RAD50: variants seen among roughly 807,000 people sequenced by gnomAD.
RAD50 encodes the protein RAD50 double strand break repair protein, also known as DNA repair protein RAD50.
A neutral mutation model predicts 168.8 loss-of-function variants in RAD50; 132 were observed. That is an observed-to-expected ratio of 0.78 (90% CI 0.68 to 0.90). RAD50 has a LOEUF of 0.90. Among genes scored for constraint, RAD50 ranks in the 40% least tolerant of loss-of-function variants. The probability of loss-of-function intolerance (pLI) is 0.00; values close to 1 mark genes in which losing one functional copy is unlikely to be tolerated. For synonymous variants in RAD50, 525 were observed against 497.4 expected (o/e 1.06, Z -0.74); for missense variants, 1,347 against 1,534.4 (o/e 0.88, Z 2.04).
chr5:132,633,630 C>G (rs1312890239), intron 21 of RAD50, among the ~76,000 whole-genome samples: 1 of 151,522 alleles, frequency 6.6e-6, no homozygotes, highest in Non-Finnish European at 1.5e-5. Flanking sequence ...GGCTGGAGTG[C>G]AGTGGCATGA....
intron 13 of RAD50, among the ~76,000 whole-genome samples, chr5:132,598,205 G>A (rs193063378): frequency 5.5e-4 from 84 of 152,104 alleles, no homozygotes; most frequent in Non-Finnish European, 7.2e-4. Context: ...ACGTCACCAG[G>A]CTCGGCTAAT....
intron 16 of RAD50, among the ~76,000 whole-genome samples, chr5:132,605,836 C>T (rs1477401344): frequency 2.6e-5 from 4 of 152,070 alleles, no homozygotes; most frequent in Admixed American, 6.5e-5. Context: ...CACTCAAAAC[C>T]GCACAACTAC....
chr5:132,645,717 TG>T lies in RAD50; in HGVS notation c.*3357del, dbSNP rs1479926201. 1.3e-5 allele frequency: 2 copies of T among 152,128 alleles called. No individual in the cohort carries two copies. The highest frequency in any genetic ancestry group is 2.9e-5 in the Non-Finnish European group (2 of 68,018). 9.4% of individuals were successfully genotyped at this position (152,128 alleles called of 1,614,324 possible). A position where few individuals can be genotyped will look rare whatever the true frequency, so the allele number is the denominator to read the frequency against. ...AGAGTTTGGTGCCCCAGGGAGACTC[TG>T]GGGAGTTTGGCAAAATATATACCTC... is the stretch of plus-strand genomic sequence containing the variant. On this transcript the variant is annotated 3_prime_UTR_variant, in exon 25 of 25. Coordinates refer to ENST00000378823, the MANE Select transcript of RAD50 (RefSeq NM_005732.4).
At chr5:132,619,112 G>GACCACAAT (rs1488762077) in intron 21 of RAD50, among the ~76,000 whole-genome samples, 2 of 152,160 alleles carry the variant, frequency 1.3e-5, no homozygotes, top group Non-Finnish European at 2.9e-5. Context: ...TATGGGAATA[G>GACCACAAT]ACCACAATGC....
At position 132,557,289 on chromosome 5, in the gene RAD50, TC is replaced by T; in HGVS notation, c.-34del. The T allele has an allele frequency of 6.2e-7, 1 of 1,612,616 alleles. No homozygotes were observed. The highest frequency in any genetic ancestry group is 8.5e-7 in the Non-Finnish European group (1 of 1,178,578). On this transcript the variant is annotated 5_prime_UTR_variant, in exon 1 of 25. Transcript: ENST00000378823. ...CGGCCTCAGTTAAGCCTTTGTGGGC[TC>T]CAGGTCCCTGGTGAGATTAGAAACG...
At chr5:132,592,108 T>G in intron 11 of RAD50, 74 bp downstream of exon 11, 1 of 1,467,812 alleles carries the variant, frequency 6.8e-7, no homozygotes, top group Non-Finnish European at 9.5e-7. Context: ...TTTAAAATAA[T>G]TTATTGTCAT....
At position 132,557,056 on chromosome 5, in the gene RAD50, C is replaced by A. The variant is rs1410064848; in HGVS notation, c.-269C>A. ...CGCATTGTGGCTACGGCTTTGCGTC[C>A]CCGGCGGGCAGCCCCAGGCTGGTCC... is the stretch of plus-strand genomic sequence containing the variant. On this transcript the variant is annotated 5_prime_UTR_variant, in exon 1 of 25. Coordinates refer to ENST00000378823, the MANE Select transcript of RAD50 (RefSeq NM_005732.4). The A allele has an allele frequency of 3.1e-6, 2 of 649,590 alleles. No individual in the cohort carries two copies. Among genetic ancestry groups the A allele is most frequent in the Admixed American group, 3.2e-5 (1 of 31,728 alleles). The allele number at this position is 649,590 out of a possible 1,614,324, so 40.2% of individuals were successfully genotyped here.
intron 19 of RAD50, among the ~76,000 whole-genome samples, chr5:132,613,409 T>G (rs1475704463): frequency 6.6e-6 from 1 of 152,094 alleles, no homozygotes; most frequent in Admixed American, 6.5e-5. Context: ...ACATTTGTGG[T>G]ATACTATAAC....
intron 21 of RAD50, among the ~76,000 whole-genome samples, chr5:132,635,474 A>G (rs1160680281): frequency 6.6e-6 from 1 of 152,062 alleles, no homozygotes; most frequent in Non-Finnish European, 1.5e-5. Context: ...GTAGTCATCA[A>G]CTCCATCCGA....
At chr5:132,592,128 T>C (rs985206055) in intron 11 of RAD50, 94 bp downstream of exon 11, 25 of 1,341,644 alleles carry the variant, frequency 1.9e-5, no homozygotes, top group African/African-American at 1.6e-4. Flanking sequence ...TGAAATGGTA[T>C]GTTATATTGA....
At chr5:132,560,482 T>C (rs1216198148) in intron 2 of RAD50, among the ~76,000 whole-genome samples, 1 of 152,204 alleles carries the variant, frequency 6.6e-6, no homozygotes, top group Admixed American at 6.5e-5. Flanking sequence ...CCACCTTCTC[T>C]CTCCTTAAAT....
intron 21 of RAD50, among the ~76,000 whole-genome samples, chr5:132,635,354 G>C (rs956865209): frequency 8.5e-5 from 13 of 152,230 alleles, no homozygotes; most frequent in African/African-American, 2.7e-4. Context: ...ATTCCCTTAT[G>C]TAGATTACTG....
chr5:132,640,616 C>A, intron 23 of RAD50, 56 bp from the exon 24 acceptor site: 2 of 1,612,056 alleles, frequency 1.2e-6, no homozygotes, highest in Admixed American at 1.7e-5. Flanking sequence ...GACTGCTTGC[C>A]TGCCATGAGA....
chr5:132,593,010 T>A (rs1750731663), intron 11 of RAD50: 3 of 391,658 alleles, frequency 7.7e-6, no homozygotes, highest in South Asian at 5.5e-5. Flanking sequence ...ATCATTGATC[T>A]TCTTCAGTTA....
Position 132,557,129 on chromosome 5 carries a change from A to C in RAD50, c.-196A>C. On this transcript the variant is annotated 5_prime_UTR_variant, in exon 1 of 25. Transcript: ENST00000378823. ...CGGGGAAAGCAGCTGGTGTGGGAGG[A>C]AAGGCTCCATCCCCCGCCCCCTCTC... is the stretch of plus-strand genomic sequence containing the variant. The C allele has an allele frequency of 1.3e-6, 1 of 778,194 alleles. No homozygotes were observed. The highest frequency in any genetic ancestry group is 2.1e-6 in the Non-Finnish European group (1 of 482,824). 48.2% of individuals were successfully genotyped at this position (778,194 alleles called of 1,614,324 possible).
intron 21 of RAD50, among the ~76,000 whole-genome samples, chr5:132,628,456 G>C (rs1327403357): frequency 6.6e-6 from 1 of 152,186 alleles, no homozygotes; most frequent in Non-Finnish European, 1.5e-5. Flanking sequence ...CCTTAAATTT[G>C]ACAAAATGGA....
intron 20 of RAD50, among the ~76,000 whole-genome samples, chr5:132,616,619 C>G (rs1751182743): frequency 6.6e-6 from 1 of 152,158 alleles, no homozygotes; most frequent in African/African-American, 2.4e-5. Context: ...CTTATTGTTA[C>G]TTATTGTAGT....
At chr5:132,610,731 T>C (rs1209281008) in intron 19 of RAD50, among the ~76,000 whole-genome samples, 1 of 152,194 alleles carries the variant, frequency 6.6e-6, no homozygotes, top group African/African-American at 2.4e-5. Flanking sequence ...AAATTTATGA[T>C]GCATATATAA....
chr5:132,603,564 A>G, intron 14 of RAD50, 75 bp downstream of exon 14: 7 of 1,461,018 alleles, frequency 4.8e-6, no homozygotes, highest in Non-Finnish European at 6.7e-6. Flanking sequence ...AGAGTTAAAA[A>G]TAGTAGCTAG....
Sources: gnomAD v4.1 joint callset for allele counts (sites outside exome capture counted in the v4.1 genomes callset) on GRCh38, gnomAD v4.1.1 for gene constraint, MANE v1.5 for transcripts, NCBI Gene and HGNC (gene_info 2026-07-23, HGNC 2026-07-21) for gene names.